The following PPP1R12A variants were observed in gnomAD, a reference collection of about 807,000 sequenced individuals.
PPP1R12A encodes protein phosphatase 1 regulatory subunit 12A, also known as myosin binding subunit.
In PPP1R12A, 19 loss-of-function variants were observed where a neutral mutation model predicts 139.6. The ratio of observed to expected loss-of-function variants is 0.14; its 90% CI spans 0.09 to 0.20. PPP1R12A has a LOEUF of 0.20. Among genes scored for constraint, PPP1R12A ranks in the 10% least tolerant of loss-of-function variants. The probability of loss-of-function intolerance (pLI) is 1.00; values close to 1 mark genes in which losing one functional copy is unlikely to be tolerated. For synonymous variants in PPP1R12A, 427 were observed against 420.6 expected (o/e 1.02, Z -0.19); for missense variants, 925 against 1,211.5 (o/e 0.76, Z 3.51).
chr12:79,868,447 A>G (rs2137315136), intron 2 of PPP1R12A, among the ~76,000 whole-genome samples: 1 of 152,334 alleles, frequency 6.6e-6, no homozygotes, highest in South Asian at 2.1e-4. Flanking sequence ...CCATAATAAA[A>G]TGCCACACAC....
intron 1 of PPP1R12A, among the ~76,000 whole-genome samples, chr12:79,899,750 C>T (rs1484645588): frequency 6.6e-6 from 1 of 152,098 alleles, no homozygotes; most frequent in Non-Finnish European, 1.5e-5. Context: ...AGTGGAATTT[C>T]TCAGCAGGTA....
chr12:79,803,588 T>C (rs1417958551), intron 14 of PPP1R12A, among the ~76,000 whole-genome samples: 1 of 152,116 alleles, frequency 6.6e-6, no homozygotes. Flanking sequence ...TCATATACAT[T>C]TCAGAACCAC....
intron 1 of PPP1R12A, among the ~76,000 whole-genome samples, chr12:79,913,281 A>T (rs1486220475): frequency 6.6e-6 from 1 of 152,216 alleles, no homozygotes; most frequent in Non-Finnish European, 1.5e-5. Flanking sequence ...CCCGAAGGTT[A>T]TGAAGATATT....
At chr12:79,897,315 T>G (rs940782405) in intron 1 of PPP1R12A, among the ~76,000 whole-genome samples, 1 of 152,182 alleles carries the variant, frequency 6.6e-6, no homozygotes, top group East Asian at 1.9e-4. Flanking sequence ...AAATACCATA[T>G]GTTCTAACTT....
chr12:79,795,049 A>C (rs2137021497), intron 18 of PPP1R12A, among the ~76,000 whole-genome samples: 1 of 152,198 alleles, frequency 6.6e-6, no homozygotes, highest in Non-Finnish European at 1.5e-5. Context: ...ATATGCTCCT[A>C]TTGTGCTAAT....
intron 3 of PPP1R12A, among the ~76,000 whole-genome samples, chr12:79,839,776 C>T (rs1487469809): frequency 6.6e-6 from 1 of 152,170 alleles, no homozygotes. Context: ...GACTGCATGA[C>T]TGTAAGTTTC....
intron 1 of PPP1R12A, among the ~76,000 whole-genome samples, chr12:79,899,057 A>G (rs1220554075): frequency 6.6e-6 from 1 of 152,036 alleles, no homozygotes; most frequent in Non-Finnish European, 1.5e-5. Flanking sequence ...ACACTTATCT[A>G]TCCACAGTCA....
chr12:79,862,416 A>G (rs534183063), intron 2 of PPP1R12A, among the ~76,000 whole-genome samples: 43 of 152,288 alleles, frequency 2.8e-4, no homozygotes, highest in African/African-American at 1.0e-3. Context: ...TACTCCTCCA[A>G]AGGAACACAA....
In PPP1R12A at chr12:79,932,365, A is replaced by G. The variant is rs186836988; in HGVS notation, c.237+2330T>C. 6.6e-5 allele frequency among the ~76,000 whole-genome samples: 10 copies of G among 152,332 alleles called. No individual in the cohort carries two copies. The East Asian group carries it at 1.9e-3, about 29-fold the overall frequency. ...CCCAAAGTGAACTCCCTGTTTTCATAGTAACAATGGGAAAAAAGTACAAGA... is the reference window on the plus strand; with the variant it reads ...CCCAAAGTGAACTCCCTGTTTTCATGGTAACAATGGGAAAAAAGTACAAGA... On this transcript the variant is annotated intron_variant, in intron 1 of 24. Transcript: ENST00000450142.
chr12:79,781,295 CTTTT>C (rs946442889), intron 23 of PPP1R12A, among the ~76,000 whole-genome samples: 1 of 151,780 alleles, frequency 6.6e-6, no homozygotes, highest in African/African-American at 2.4e-5. Context: ...TTCTTGTAAT[CTTTT>C]TTTTGTTTAA....
At chr12:79,835,465 C>G (rs545370096) in intron 3 of PPP1R12A, among the ~76,000 whole-genome samples, 21 of 147,576 alleles carry the variant, frequency 1.4e-4, no homozygotes, top group African/African-American at 5.1e-4. Flanking sequence ...GACTAATACA[C>G]CATCCTATTA....
At chr12:79,776,364 C>G (rs1430836007) in intron 24 of PPP1R12A, among the ~76,000 whole-genome samples, 1 of 152,038 alleles carries the variant, frequency 6.6e-6, no homozygotes, top group Admixed American at 6.6e-5. Context: ...CCTGTCAGCA[C>G]CTAAACCAAA....
intron 14 of PPP1R12A, among the ~76,000 whole-genome samples, chr12:79,802,610 C>A (rs1323987606): frequency 3.3e-5 from 5 of 152,190 alleles, no homozygotes; most frequent in Non-Finnish European, 5.9e-5. Flanking sequence ...TAGCAAGACT[C>A]CATCTCTACA....
chr12:79,788,726 A>T lies in PPP1R12A; in HGVS notation c.2724T>A (p.Ser908=), dbSNP rs760830506. The T allele has an allele frequency of 6.2e-7, 1 of 1,613,038 alleles. No homozygotes were observed. The highest frequency in any genetic ancestry group is 1.3e-5 in the African/African-American group (1 of 74,908). ...TTTCTTCTAAGTAACTGTATGATCC[A>T]GAGCGACCCAGCAAGGAATCATATC... ...GDRYDSLLGR[S]GSYSYLEERK... is the part of the protein sequence containing the mutation. Residue 908 remains serine, a synonymous_variant, in exon 21 of 25, where the codon TCT becomes TCA. Coordinates refer to ENST00000450142, the MANE Select transcript of PPP1R12A (RefSeq NM_002480.3).
intron 14 of PPP1R12A, 108 bp downstream of exon 14, chr12:79,805,484 G>C (rs767457512): frequency 4.2e-5 from 40 of 957,494 alleles, no homozygotes; most frequent in Non-Finnish European, 6.1e-5. Flanking sequence ...TCATTTATTA[G>C]TCTACTGGAG....
At chr12:79,913,349 T>A (rs1175477328) in intron 1 of PPP1R12A, among the ~76,000 whole-genome samples, 1 of 152,212 alleles carries the variant, frequency 6.6e-6, no homozygotes, top group Non-Finnish European at 1.5e-5. Flanking sequence ...AGATCTACAA[T>A]CCAACTGGAA....
chr12:79,929,528 G>A (rs887802628), intron 1 of PPP1R12A, among the ~76,000 whole-genome samples: 3 of 152,084 alleles, frequency 2.0e-5, no homozygotes, highest in Non-Finnish European at 4.4e-5. Context: ...CACTTTGGGA[G>A]GCCAAGACGG....
chr12:79,914,187 T>C (rs1356860283), intron 1 of PPP1R12A, among the ~76,000 whole-genome samples: 7 of 152,034 alleles, frequency 4.6e-5, no homozygotes, highest in African/African-American at 9.7e-5. Flanking sequence ...AAAAACCTCT[T>C]TGGGTTCCTC....
chr12:79,825,464 A>T (rs1322993989), intron 5 of PPP1R12A: 1 of 152,076 alleles, frequency 6.6e-6, no homozygotes, highest in Non-Finnish European at 1.5e-5. Flanking sequence ...CACATAATTT[A>T]TAATAATGAA....
Sources: allele counts gnomAD v4.1 joint callset (sites outside exome capture counted in the v4.1 genomes callset), GRCh38; gene constraint gnomAD v4.1.1; transcripts MANE v1.5; gene names NCBI Gene and HGNC (gene_info 2026-07-23, HGNC 2026-07-21).